The following GALNTL6 variants were observed in gnomAD, a reference collection of about 807,000 sequenced individuals.
GALNTL6 encodes the protein polypeptide N-acetylgalactosaminyltransferase like 6.
A neutral mutation model predicts 73.7 loss-of-function variants in GALNTL6; 46 were observed. The observed-to-expected ratio is 0.62, with a 90% CI of 0.49 to 0.80. GALNTL6 has a LOEUF of 0.80. Ranked by LOEUF, GALNTL6 falls within the 30% of genes least tolerant of loss-of-function variation. The pLI is 0.00. For synonymous variants in GALNTL6, 259 were observed against 263.7 expected (o/e 0.98, Z 0.17); for missense variants, 604 against 755.0 (o/e 0.80, Z 2.34).
In GALNTL6 at chr4:172,257,640, T is replaced by C. The variant is rs192586272; in HGVS notation, c.247+27876T>C. Among the ~76,000 whole-genome samples the C allele has an allele frequency of 5.9e-4, 90 of 151,510 alleles. 1 individual carries two copies. The highest frequency in any genetic ancestry group is 1.7e-3 in the South Asian group (8 of 4,830). On this transcript the variant is annotated intron_variant, in intron 3 of 12. Coordinates refer to ENST00000506823, the MANE Select transcript of GALNTL6 (RefSeq NM_001034845.3). Reference sequence around the variant, plus strand: ...GTAATGGCATTTCAGCAGAAATACTTGAACTTAATAGTGCTCATTTGTGCA... The same window carrying C: ...GTAATGGCATTTCAGCAGAAATACTCGAACTTAATAGTGCTCATTTGTGCA...
At chr4:172,306,593 T>C (rs1420446985) in intron 3 of GALNTL6, among the ~76,000 whole-genome samples, 1 of 152,214 alleles carries the variant, frequency 6.6e-6, no homozygotes, top group Non-Finnish European at 1.5e-5. Context: ...GAACCCAATG[T>C]GTAGTCTTTC....
chr4:173,018,194 A>G (rs59260743), intron 11 of GALNTL6, among the ~76,000 whole-genome samples: 5,368 of 152,354 alleles, frequency 0.035, 165 homozygotes, highest in African/African-American at 0.082. Flanking sequence ...AGATTTAATC[A>G]AAGCCAATGG....
At chr4:172,704,417 A>G (rs186151958) in intron 5 of GALNTL6, among the ~76,000 whole-genome samples, 1 of 151,588 alleles carries the variant, frequency 6.6e-6, no homozygotes, top group East Asian at 1.9e-4. Context: ...GTTTCAAAAC[A>G]TTTTTTTTAA....
At chr4:172,186,776 G>A (rs1292681719) in intron 2 of GALNTL6, among the ~76,000 whole-genome samples, 2 of 152,044 alleles carry the variant, frequency 1.3e-5, no homozygotes, top group Non-Finnish European at 2.9e-5. Context: ...TGGCTAGGGG[G>A]TTAAAAGAAT....
intron 2 of GALNTL6, among the ~76,000 whole-genome samples, chr4:172,075,152 T>C (rs1229464164): frequency 6.6e-6 from 1 of 152,194 alleles, no homozygotes; most frequent in East Asian, 1.9e-4. Context: ...AAATCTTGTA[T>C]TTATTGTTTC....
intron 3 of GALNTL6, among the ~76,000 whole-genome samples, chr4:172,287,413 A>G (rs1739301090): frequency 6.6e-6 from 1 of 150,572 alleles, no homozygotes; most frequent in South Asian, 2.1e-4. Flanking sequence ...TGCTGAGCAA[A>G]AAGCTGACTG....
intron 2 of GALNTL6, among the ~76,000 whole-genome samples, chr4:171,973,177 C>A (rs1739621232): frequency 6.6e-6 from 1 of 152,002 alleles, no homozygotes; most frequent in African/African-American, 2.4e-5. Flanking sequence ...TATAGTGTTT[C>A]TAAGTTTGTA....
chr4:172,348,790 C>A (rs1741844015), intron 5 of GALNTL6, 101 bp downstream of exon 5: 13 of 698,176 alleles, frequency 1.9e-5, no homozygotes, highest in Non-Finnish European at 2.7e-5. Flanking sequence ...CTGATTCCAT[C>A]TGAAAGGTGA....
chr4:172,280,487 A>T (rs918230214), intron 3 of GALNTL6, among the ~76,000 whole-genome samples: 7 of 152,130 alleles, frequency 4.6e-5, no homozygotes, highest in Admixed American at 6.5e-5. Flanking sequence ...AAATTTTTTT[A>T]AAATTTTATT....
intron 7 of GALNTL6, among the ~76,000 whole-genome samples, chr4:172,873,135 G>C (rs563864959): frequency 6.6e-6 from 1 of 152,336 alleles, no homozygotes; most frequent in South Asian, 2.1e-4. Flanking sequence ...GGCCTTCCAG[G>C]AGCATCTATA....
At chr4:172,943,715 A>G (rs1410910826) in intron 9 of GALNTL6, among the ~76,000 whole-genome samples, 1 of 152,204 alleles carries the variant, frequency 6.6e-6, no homozygotes, top group Admixed American at 6.5e-5. Context: ...CATACATCTG[A>G]TAAGTGCTTA....
intron 2 of GALNTL6, among the ~76,000 whole-genome samples, chr4:171,934,145 G>A (rs1738271128): frequency 6.6e-6 from 1 of 152,092 alleles, no homozygotes; most frequent in African/African-American, 2.4e-5. Context: ...GAGATGATAT[G>A]ACTTCAGTTT....
chr4:172,616,579 G>A (rs1390925025), intron 5 of GALNTL6, among the ~76,000 whole-genome samples: 1 of 145,152 alleles, frequency 6.9e-6, no homozygotes, highest in African/African-American at 2.6e-5. Flanking sequence ...TTGTTCTTGG[G>A]ATTATATTAG....
chr4:171,969,420 C>T (rs930154196), intron 2 of GALNTL6, among the ~76,000 whole-genome samples: 2 of 152,138 alleles, frequency 1.3e-5, no homozygotes, highest in African/African-American at 2.4e-5. Flanking sequence ...GAGCATTATC[C>T]GTGTCCTCTA....
chr4:172,474,840 G>A (rs565558170), intron 5 of GALNTL6, among the ~76,000 whole-genome samples: 107 of 152,086 alleles, frequency 7.0e-4, no homozygotes, highest in African/African-American at 2.5e-3. Context: ...TTCTATTTTT[G>A]CACTGTATTC....
chr4:171,858,277 C>T (rs1440209930), intron 2 of GALNTL6, among the ~76,000 whole-genome samples: 1 of 152,018 alleles, frequency 6.6e-6, no homozygotes, highest in Non-Finnish European at 1.5e-5. Context: ...AACATATTAT[C>T]ATGTTATTAA....
At chr4:172,323,401 T>C (rs1219484927) in intron 4 of GALNTL6, among the ~76,000 whole-genome samples, 1 of 152,142 alleles carries the variant, frequency 6.6e-6, no homozygotes, top group Non-Finnish European at 1.5e-5. Context: ...TTGAATACGC[T>C]GACATTAACA....
At chr4:171,955,768 T>TGA (rs1739025780) in intron 2 of GALNTL6, among the ~76,000 whole-genome samples, 1 of 120,738 alleles carries the variant, frequency 8.3e-6, no homozygotes, top group Non-Finnish European at 2.1e-5. Context: ...TGTATACGTG[T>TGA]GTGTATATAT....
chr4:172,886,157 T>C (rs1023747521), intron 8 of GALNTL6, among the ~76,000 whole-genome samples: 3 of 152,224 alleles, frequency 2.0e-5, no homozygotes, highest in African/African-American at 7.2e-5. Flanking sequence ...AAATCAGTAA[T>C]TAATCCATCA....
Sources: allele counts gnomAD v4.1 joint callset (sites outside exome capture counted in the v4.1 genomes callset), GRCh38; gene constraint gnomAD v4.1.1; transcripts MANE v1.5; gene names NCBI Gene and HGNC (gene_info 2026-07-23, HGNC 2026-07-21).